The following NET1 variants were observed in gnomAD, a reference collection of about 807,000 sequenced individuals.
NET1 encodes the protein neuroepithelial cell transforming 1, also known as neuroepithelial cell-transforming gene 1 protein.
A neutral mutation model predicts 61.1 loss-of-function variants in NET1; 42 were observed. The ratio of observed to expected loss-of-function variants is 0.69; its 90% confidence interval spans 0.54 to 0.89. The LOEUF is 0.89. NET1 is among the 40% of genes least tolerant of loss of function. The probability of loss-of-function intolerance (pLI) is 0.00; values close to 1 mark genes in which losing one functional copy is unlikely to be tolerated. For synonymous variants in NET1, 254 were observed against 281.8 expected (o/e 0.90, Z 0.99); for missense variants, 654 against 747.3 (o/e 0.88, Z 1.46).
intron 3 of NET1, among the ~76,000 whole-genome samples, chr10:5,442,247 C>G (rs544855459): frequency 4.9e-4 from 74 of 152,254 alleles, no homozygotes; most frequent in African/African-American, 1.7e-3. Flanking sequence ...CACAATATCT[C>G]GTGTAGAGGG....
At position 5,422,331 on chromosome 10, in the gene NET1, C is replaced by T. The variant is rs545716398; in HGVS notation, c.129-4324C>T. ...CAGCCTGGGTGACAGAGCAAAACTC[C>T]GTCTCAAAAAAAAAAAAAGTCTTTG... On this transcript the variant is annotated intron_variant, in intron 1 of 11. Coordinates refer to ENST00000355029, the MANE Select transcript of NET1 (RefSeq NM_001047160.3). The surrounding 1 kb of genome is among the most constrained non-coding windows in gnomAD (Gnocchi z 4.1). Among the ~76,000 whole-genome samples the T allele has an allele frequency of 2.0e-5, 3 of 150,836 alleles. No individual in the cohort carries two copies. In the South Asian group the frequency reaches 6.3e-4, roughly 32 times the overall value.
At chr10:5,434,965 T>TA (rs1832405512) in intron 3 of NET1, among the ~76,000 whole-genome samples, 1 of 152,202 alleles carries the variant, frequency 6.6e-6, no homozygotes, top group Non-Finnish European at 1.5e-5. Context: ...AGTTAACTTT[T>TA]ACTTTTTCAG....
chr10:5,419,435 C>A (rs962343616), intron 1 of NET1, among the ~76,000 whole-genome samples: 1 of 152,140 alleles, frequency 6.6e-6, no homozygotes, highest in Non-Finnish European at 1.5e-5. Context: ...GGATTTATGT[C>A]TGCCATTTTG....
rs200860140 is a variant in NET1 at position 5,452,895 on chromosome 10, T to C, written c.569T>C (p.Ile190Thr). 105 of 1,613,252 alleles carry C rather than the reference T, an allele frequency of 6.5e-5. No individual in the cohort carries two copies. The highest frequency in any genetic ancestry group is 2.2e-4 in the Admixed American group (13 of 59,974). Reference protein sequence around the residue: ...YEMSRGEQDLIEDLKLARKAY... With the variant: ...YEMSRGEQDLTEDLKLARKAY... ...ATGTCCCGAGGTGAACAGGATTTAA[T>C]TGAGGATCTCAAACTTGCAAGAAAG... The change falls in exon 6 of 12, where the codon ATT becomes ACT. Residue 190 changes from isoleucine (I) to threonine (T), a missense_variant. Transcript: ENST00000355029. This position sits in a 1 kb window ranked among gnomAD's most constrained non-coding sequence, Gnocchi z 4.0.
Position 5,452,973 on chromosome 10 carries a change from C to A in NET1, c.594+53C>A. ...CCTAGTTTTTAAAAATTACATTTCA[C>A]AAAATCTAAAGGATAGTTTTCTTAA... On this transcript the variant is annotated intron_variant, in intron 6 of 11. Transcript: ENST00000355029. This position sits in a 1 kb window ranked among gnomAD's most constrained non-coding sequence, Gnocchi z 4.0. 1 of 1,200,430 alleles carries A rather than the reference C, an allele frequency of 8.3e-7. No homozygotes were observed. The highest frequency in any genetic ancestry group is 1.2e-6 in the Non-Finnish European group (1 of 809,076). The allele number at this position is 1,200,430 out of a possible 1,614,324, so 74.4% of individuals were successfully genotyped here. A position where few individuals can be genotyped will look rare whatever the true frequency, so the allele number is the denominator to read the frequency against.
In NET1 at chr10:5,446,089, A is replaced by G. The variant is rs753766915; in HGVS notation, c.256-5741A>G. ...GAGATTTTCTTCTGGAAGAGAGGTA[A>G]CAGAAGTGCACCTGCTGTATTTACC... On this transcript the variant is annotated intron_variant, in intron 3 of 11. Transcript: ENST00000355029. This position sits in a 1 kb window ranked among gnomAD's most constrained non-coding sequence, Gnocchi z 5.0. Among the ~76,000 whole-genome samples the G allele has an allele frequency of 1.2e-4, 18 of 152,182 alleles. No individual in the cohort carries two copies. The highest frequency in any genetic ancestry group is 2.4e-4 in the Non-Finnish European group (16 of 68,040).
chr10:5,454,228 AGGAAC>A lies in NET1; in HGVS notation c.769-36_769-32del. The A allele has an allele frequency of 6.3e-7, 1 of 1,586,394 alleles. No individual in the cohort carries two copies. Among genetic ancestry groups the A allele is most frequent in the Non-Finnish European group, 8.6e-7 (1 of 1,168,720 alleles). ...GCTTGTTAATGCACTCGGTCATAAC[AGGAAC>A]ACATCATACCTTTTCTTTTATTACT... is the stretch of plus-strand genomic sequence containing the variant. On this transcript the variant is annotated intron_variant, in intron 8 of 11. Coordinates refer to ENST00000355029, the MANE Select transcript of NET1 (RefSeq NM_001047160.3). The surrounding 1 kb of genome is among the most constrained non-coding windows in gnomAD (Gnocchi z 8.1).
At position 5,455,567 on chromosome 10, in the gene NET1, G is replaced by T. The variant is rs892723491; in HGVS notation, c.1197+449G>T. Among the ~76,000 whole-genome samples, 1 of 152,122 alleles carries T rather than the reference G, an allele frequency of 6.6e-6. No homozygotes were observed. The highest frequency in any genetic ancestry group is 1.9e-4 in the East Asian group (1 of 5,192). ...CTAGAACTAAGTGCAGTCACGGAAT[G>T]GTATTTTTGTTTCATCATGCATTTT... is the stretch of plus-strand genomic sequence containing the variant. On this transcript the variant is annotated intron_variant, in intron 10 of 11. Coordinates refer to ENST00000355029, the MANE Select transcript of NET1 (RefSeq NM_001047160.3). The surrounding 1 kb of genome is among the most constrained non-coding windows in gnomAD (Gnocchi z 6.5).
intron 3 of NET1, among the ~76,000 whole-genome samples, chr10:5,448,993 T>G (rs1832663097): frequency 6.6e-6 from 1 of 152,180 alleles, no homozygotes; most frequent in Non-Finnish European, 1.5e-5. Flanking sequence ...AGAAAACTAC[T>G]TTTGGTTTCG....
rs1832414485 is a variant in NET1, at chr10:5,435,508, GATA to G, written c.255+6280_255+6282del. On this transcript the variant is annotated intron_variant, in intron 3 of 11. Transcript: ENST00000355029. The surrounding 1 kb of genome is among the most constrained non-coding windows in gnomAD (Gnocchi z 5.0). The stretch of plus-strand genomic sequence containing the variant: ...AGATAGATAGATAGATAGATAGATA[GATA>G]GATAGATAGATAGATAGATAGACAG... Among the ~76,000 whole-genome samples the G allele has an allele frequency of 6.7e-5, 1 of 15,026 alleles. No homozygotes were observed. Among genetic ancestry groups the G allele is most frequent in the Non-Finnish European group, 1.8e-4 (1 of 5,618 alleles). 9.9% of individuals were successfully genotyped at this position (15,026 alleles called of 152,430 possible).
chr10:5,412,580 C>A lies in NET1; in HGVS notation c.-113C>A, dbSNP rs376475251. ...TCAAATCCCCGGATGACGGCGGTGG[C>A]GGCTGCAGTCCGCTGACAGGCGCTT... On this transcript the variant is annotated 5_prime_UTR_variant, in exon 1 of 12. Transcript: ENST00000355029. This position sits in a 1 kb window ranked among gnomAD's most constrained non-coding sequence, Gnocchi z 6.5. The A allele has an allele frequency of 1.9e-3, 2,182 of 1,157,918 alleles. 3 individuals are homozygous for A. The highest frequency in any genetic ancestry group is 8.5e-3 in the East Asian group (265 of 31,150). 71.7% of individuals were successfully genotyped at this position (1,157,918 alleles called of 1,614,324 possible).
chr10:5,456,626 C>G lies in NET1; in HGVS notation c.1423C>G (p.Pro475Ala). 2 of 1,574,442 alleles carry G rather than the reference C, an allele frequency of 1.3e-6. No individual in the cohort carries two copies. Among genetic ancestry groups the G allele is most frequent in the Middle Eastern group, 1.7e-4 (1 of 5,898 alleles). ...IFRIRFHDPS[P>A]AQSHTLQAND... The stretch of plus-strand genomic sequence containing the variant: ...TAGAATTCGCTTCCATGACCCCTCT[C>G]CAGCCCAGTCTCACACTCTGCAAGC... Residue 475 changes from proline (P) to alanine (A), a missense_variant, in exon 12 of 12, where the codon CCA becomes GCA. Pro to Ala is a conservative substitution (Grantham distance 27). Transcript: ENST00000355029. This position sits in a 1 kb window ranked among gnomAD's most constrained non-coding sequence, Gnocchi z 7.0.
chr10:5,438,208 G>A (rs1461755263), intron 3 of NET1, among the ~76,000 whole-genome samples: 1 of 152,062 alleles, frequency 6.6e-6, no homozygotes, highest in Admixed American at 6.6e-5. Flanking sequence ...AAGAAAAGCA[G>A]TCTTAACCCA....
At chr10:5,430,376 CTTT>C (rs34200273) in intron 3 of NET1, among the ~76,000 whole-genome samples, 2 of 139,856 alleles carry the variant, frequency 1.4e-5, no homozygotes. Flanking sequence ...TAGATAAAAA[CTTT>C]TTTTTTTTTT....
chr10:5,430,608 G>A (rs1160356876), intron 3 of NET1, among the ~76,000 whole-genome samples: 1 of 151,846 alleles, frequency 6.6e-6, no homozygotes. Flanking sequence ...TTCCAGACTC[G>A]GCCCCACAAA....
chr10:5,418,379 G>C (rs957773544), intron 1 of NET1, among the ~76,000 whole-genome samples: 14 of 151,752 alleles, frequency 9.2e-5, no homozygotes, highest in Admixed American at 5.9e-4. Context: ...AGTTTCAGTA[G>C]GTTGTATCTC....
intron 1 of NET1, among the ~76,000 whole-genome samples, chr10:5,419,244 C>A (rs994524700): frequency 2.6e-5 from 4 of 151,992 alleles, no homozygotes; most frequent in African/African-American, 9.7e-5. Context: ...CCTTTATTTT[C>A]AAGCTGTTTA....
chr10:5,412,799 C>A lies in NET1; in HGVS notation c.107C>A (p.Ser36Tyr). The A allele has an allele frequency of 6.9e-7, 1 of 1,447,760 alleles. No homozygotes were observed. 89.7% of individuals were successfully genotyped at this position (1,447,760 alleles called of 1,614,324 possible). ...GCGACGGGGCCTTCGGCCGACACCT[C>A]CGGGTCGGAGCTGGACGGGAGGTGA... ...EGATGPSADT[S>Y]GSELDGRCSL... Residue 36 changes from serine to tyrosine, a missense_variant, in exon 1 of 12, where the codon TCC becomes TAC. Coordinates refer to ENST00000355029, the MANE Select transcript of NET1 (RefSeq NM_001047160.3). This position sits in a 1 kb window ranked among gnomAD's most constrained non-coding sequence, Gnocchi z 6.5.
At position 5,423,385 on chromosome 10, in the gene NET1, G is replaced by A. The variant is rs1832209788; in HGVS notation, c.129-3270G>A. ...CAAGATGCTTTTCTTTTGAACAGCA[G>A]CTTTATCATTTTAATTATGATTTCT... On this transcript the variant is annotated intron_variant, in intron 1 of 11. Coordinates refer to ENST00000355029, the MANE Select transcript of NET1 (RefSeq NM_001047160.3). This position sits in a 1 kb window ranked among gnomAD's most constrained non-coding sequence, Gnocchi z 4.4. Among the ~76,000 whole-genome samples, 1 of 152,112 alleles carries A rather than the reference G, an allele frequency of 6.6e-6. No homozygotes were observed. The highest frequency in any genetic ancestry group is 2.1e-4 in the South Asian group (1 of 4,834).
Sources: gnomAD v4.1 joint callset for allele counts (sites outside exome capture counted in the v4.1 genomes callset) on GRCh38, gnomAD v4.1.1 for gene constraint, Gnocchi (gnomAD v3.1) non-coding constraint, MANE v1.5 for transcripts, NCBI Gene and HGNC (gene_info 2026-07-23, HGNC 2026-07-21) for gene names.